The following FHIT variants were observed in gnomAD, a reference collection of about 807,000 sequenced individuals.
The protein encoded by FHIT is fragile histidine triad diadenosine triphosphatase.
Under a neutral mutation model 17.9 loss-of-function variants are expected in FHIT, and 19 were observed. The ratio of observed to expected loss-of-function variants is 1.06; its 90% CI spans 0.74 to 1.56. The LOEUF (loss-of-function observed/expected upper bound fraction) is 1.56. Ranked by LOEUF, FHIT falls within the 40% of genes most tolerant of loss-of-function variation. The probability of loss-of-function intolerance (pLI) is 0.00; values close to 1 mark genes in which losing one functional copy is unlikely to be tolerated. For synonymous variants in FHIT, 81 were observed against 69.7 expected, an observed-to-expected ratio of 1.16 and a Z score of -0.81; for missense variants, 248 against 189.2, an observed-to-expected ratio of 1.31 and a Z score of -1.82.
At chr3:60,632,727 A>G (rs546771101) in intron 4 of FHIT, among the ~76,000 whole-genome samples, 2 of 152,322 alleles carry the variant, frequency 1.3e-5, no homozygotes, top group South Asian at 4.1e-4. Context: ...CAATTAATCA[A>G]CAAACCTTAA....
At chr3:60,537,321 C>T (rs1182785329) in intron 4 of FHIT, 1 of 233,796 alleles carries the variant, frequency 4.3e-6, no homozygotes, top group Non-Finnish European at 7.0e-6. Context: ...TATTTTTACC[C>T]ATCTATTTTG....
intron 3 of FHIT, among the ~76,000 whole-genome samples, chr3:61,019,590 T>C (rs377585100): frequency 9.2e-5 from 14 of 152,360 alleles, no homozygotes; most frequent in African/African-American, 3.4e-4. Flanking sequence ...CAGTAACTTG[T>C]AGATTCTTTC....
intron 5 of FHIT, among the ~76,000 whole-genome samples, chr3:60,337,840 C>A (rs1176255374): frequency 6.6e-6 from 1 of 152,096 alleles, no homozygotes; most frequent in Non-Finnish European, 1.5e-5. Flanking sequence ...CTGAAAATCC[C>A]ATAAAGAAAA....
chr3:60,409,097 T>C (rs1399897913), intron 5 of FHIT, among the ~76,000 whole-genome samples: 2 of 152,144 alleles, frequency 1.3e-5, no homozygotes, highest in African/African-American at 4.8e-5. Context: ...AACAGGAGAG[T>C]ACAGATTTCA....
At chr3:61,155,332 A>G (rs1344014672) in intron 2 of FHIT, among the ~76,000 whole-genome samples, 3 of 152,252 alleles carry the variant, frequency 2.0e-5, no homozygotes, top group Non-Finnish European at 2.9e-5. Flanking sequence ...CAGATGCTAA[A>G]TAATAATTGA....
chr3:60,651,552 T>C (rs1193805057), intron 4 of FHIT, among the ~76,000 whole-genome samples: 1 of 150,494 alleles, frequency 6.6e-6, no homozygotes, highest in African/African-American at 2.4e-5. Context: ...TTTTTTTTTT[T>C]CAATAAATAA....
intron 5 of FHIT, among the ~76,000 whole-genome samples, chr3:60,093,157 C>A (rs73093988): frequency 0.06 from 9,112 of 152,214 alleles, 1,179 homozygotes; most frequent in East Asian, 0.5. Flanking sequence ...GGGGGTCTGA[C>A]ACAGGTCTCC....
chr3:60,498,667 G>T (rs2107518163), intron 5 of FHIT, among the ~76,000 whole-genome samples: 1 of 152,208 alleles, frequency 6.6e-6, no homozygotes, highest in East Asian at 1.9e-4. Context: ...GTACTCCACT[G>T]CACTAGGCAA....
At chr3:60,064,401 T>C (rs1364846737) in intron 5 of FHIT, among the ~76,000 whole-genome samples, 1 of 152,176 alleles carries the variant, frequency 6.6e-6, no homozygotes, top group East Asian at 1.9e-4. Flanking sequence ...ACCACCCTCA[T>C]ACCTTGTCCA....
At chr3:60,246,946 T>C (rs1473399722) in intron 5 of FHIT, among the ~76,000 whole-genome samples, 1 of 152,156 alleles carries the variant, frequency 6.6e-6, no homozygotes, top group African/African-American at 2.4e-5. Context: ...CAGAGGATTT[T>C]CAGTGCATTG....
rs564609395 is a variant in FHIT at position 60,241,264 on chromosome 3, A to G, written c.104-227112T>C. On this transcript the variant is annotated intron_variant, in intron 5 of 9. Coordinates refer to ENST00000492590, the MANE Select transcript of FHIT (RefSeq NM_002012.4). The stretch of plus-strand genomic sequence containing the variant: ...TATCATTCTTTATTAGATGCCAAAG[A>G]AACATAACAAGGATCACAAATGAAA... Among the ~76,000 whole-genome samples the G allele has an allele frequency of 2.0e-5, 3 of 152,302 alleles. No individual in the cohort carries two copies. The East Asian group carries it at 5.8e-4, about 29-fold the overall frequency.
At chr3:60,039,956 A>C (rs1166383677) in intron 5 of FHIT, among the ~76,000 whole-genome samples, 1 of 152,200 alleles carries the variant, frequency 6.6e-6, no homozygotes, top group Non-Finnish European at 1.5e-5. Context: ...ATTCAGTCAT[A>C]AAATATTTAT....
chr3:60,473,848 GGGA>G (rs1391754886), intron 5 of FHIT, among the ~76,000 whole-genome samples: 1 of 152,024 alleles, frequency 6.6e-6, no homozygotes. Context: ...ACTTGAACCC[GGGA>G]GGAGGAGGTT....
At chr3:61,095,650 T>TA (rs1257041530) in intron 2 of FHIT, among the ~76,000 whole-genome samples, 3 of 151,850 alleles carry the variant, frequency 2.0e-5, no homozygotes, top group Admixed American at 6.6e-5. Context: ...AGCATCTGTT[T>TA]TAAAAAAAAA....
intron 5 of FHIT, among the ~76,000 whole-genome samples, chr3:60,311,939 G>A (rs1035972372): frequency 2.6e-5 from 4 of 152,042 alleles, no homozygotes; most frequent in Admixed American, 1.3e-4. Flanking sequence ...AGAAAAAAAC[G>A]ACTTGCCTAA....
At chr3:60,272,079 G>A (rs781357151) in intron 5 of FHIT, among the ~76,000 whole-genome samples, 6 of 152,138 alleles carry the variant, frequency 3.9e-5, no homozygotes, top group Admixed American at 6.5e-5. Context: ...TCTACACCAC[G>A]CTGCAGTACT....
intron 8 of FHIT, among the ~76,000 whole-genome samples, chr3:59,761,335 AT>A (rs1188945787): frequency 6.6e-6 from 1 of 152,162 alleles, no homozygotes; most frequent in African/African-American, 2.4e-5. Flanking sequence ...CCATCTTCGT[AT>A]CCTCTCGGCT....
intron 4 of FHIT, among the ~76,000 whole-genome samples, chr3:60,717,066 C>G (rs1394123410): frequency 6.6e-6 from 1 of 152,156 alleles, no homozygotes; most frequent in African/African-American, 2.4e-5. Flanking sequence ...ACTGCATGAT[C>G]TCACTTATAT....
chr3:59,978,228 G>C (rs1052939615), intron 7 of FHIT, among the ~76,000 whole-genome samples: 2 of 152,054 alleles, frequency 1.3e-5, no homozygotes, highest in African/African-American at 2.4e-5. Flanking sequence ...AAATTCCAAA[G>C]CCTGTATGTT....
Sources: allele counts gnomAD v4.1 joint callset (sites outside exome capture counted in the v4.1 genomes callset), GRCh38; gene constraint gnomAD v4.1.1; transcripts MANE v1.5; gene names NCBI Gene and HGNC (gene_info 2026-07-23, HGNC 2026-07-21).